CFAP92: variants seen among roughly 807,000 people sequenced by gnomAD.
CFAP92 encodes the protein cilia and flagella associated protein 92 (putative).
In CFAP92, 86 loss-of-function variants were observed where a neutral mutation model predicts 106.3. That is an observed-to-expected ratio of 0.81 (90% CI 0.68 to 0.97). The LOEUF (loss-of-function observed/expected upper bound fraction) is 0.97. Ranked by LOEUF, CFAP92 falls within the 50% of genes least tolerant of loss-of-function variation. The pLI is 0.00. For synonymous variants in CFAP92, 477 were observed against 506.4 expected (o/e 0.94, Z 0.78); for missense variants, 1,204 against 1,283.8 (o/e 0.94, Z 0.95).
intron 9 of CFAP92, among the ~76,000 whole-genome samples, chr3:128,964,430 A>T (rs959657104): frequency 5.3e-5 from 8 of 151,946 alleles, no homozygotes; most frequent in South Asian, 2.1e-4. Context: ...ACTCCTATTC[A>T]CCGTTCTCAA....
chr3:128,925,481 G>A (rs1937584588), intron 12 of CFAP92, among the ~76,000 whole-genome samples: 1 of 152,028 alleles, frequency 6.6e-6, no homozygotes, highest in South Asian at 2.1e-4. Context: ...AGATATATTG[G>A]TTGAAAATAA....
rs969368235 is a variant in CFAP92, at chr3:128,910,304, A to C, written c.3310T>G (p.Ser1104Ala). ...CGTGGGAGGGTCTGTGCTGCTCAGGAGATGGGGCTGTTCCCTTTCTTCTTC... is the reference window on the plus strand; with the variant it reads ...CGTGGGAGGGTCTGTGCTGCTCAGGCGATGGGGCTGTTCCCTTTCTTCTTC... The part of the protein sequence containing the change: ...VRKKKGNSPI[S>A] Residue 1104 changes from serine (S) to alanine (A), a missense_variant, in exon 16 of 16, where the codon TCC (serine) becomes GCC (alanine). Physicochemically the swap from Ser to Ala is moderately conservative, Grantham distance 99. Coordinates refer to ENST00000645291, the MANE Select transcript of CFAP92 (RefSeq NM_001394090.1). 5 of 1,496,218 alleles carry C rather than the reference A, an allele frequency of 3.3e-6. No homozygotes were observed. The highest frequency in any genetic ancestry group is 4.4e-6 in the Non-Finnish European group (5 of 1,124,568). 92.7% of individuals were successfully genotyped at this position (1,496,218 alleles called of 1,614,324 possible).
chr3:128,986,982 G>A (rs1456628987), intron 4 of CFAP92, among the ~76,000 whole-genome samples: 1 of 152,146 alleles, frequency 6.6e-6, no homozygotes, highest in Non-Finnish European at 1.5e-5. Flanking sequence ...CCAACATGGC[G>A]AAACCCCGTC....
At chr3:128,939,856 A>G (rs775450254) in intron 10 of CFAP92, among the ~76,000 whole-genome samples, 1 of 152,202 alleles carries the variant, frequency 6.6e-6, no homozygotes, top group South Asian at 2.1e-4. Flanking sequence ...TCCCGCTCCT[A>G]TGAGAATCTA....
chr3:128,976,999 C>G lies in CFAP92; in HGVS notation c.876G>C (p.Met292Ile), dbSNP rs761059935. The G allele has an allele frequency of 6.2e-7, 1 of 1,613,822 alleles. No homozygotes were observed. The highest frequency in any genetic ancestry group is 1.1e-5 in the South Asian group (1 of 91,082). Residue 292 changes from methionine to isoleucine, a missense_variant, in exon 6 of 16, where the codon ATG (methionine) becomes ATC (isoleucine). Met to Ile is a conservative substitution (Grantham distance 10). Coordinates refer to ENST00000645291, the MANE Select transcript of CFAP92 (RefSeq NM_001394090.1). ...NSEEYEKSLKMDDSSTIQWSV... is the reference protein window; with the variant it reads ...NSEEYEKSLKIDDSSTIQWSV... ...CTTACTGAATCGTGGAAGAATCGTC[C>G]ATTTTGAGGGACTTCTCATATTCCT... is the stretch of plus-strand genomic sequence containing the variant.
intron 9 of CFAP92, among the ~76,000 whole-genome samples, chr3:128,963,906 C>T (rs1464027312): frequency 6.6e-6 from 1 of 151,856 alleles, no homozygotes; most frequent in South Asian, 2.1e-4. Context: ...CCAGGACTGG[C>T]AAATTAGCTT....
intron 12 of CFAP92, among the ~76,000 whole-genome samples, chr3:128,924,683 G>C (rs1292848967): frequency 6.6e-6 from 1 of 151,948 alleles, no homozygotes; most frequent in Non-Finnish European, 1.5e-5. Context: ...CCAACCTCAG[G>C]TGATCTGCCT....
At chr3:128,933,358 C>T (rs1478595761) in intron 11 of CFAP92, among the ~76,000 whole-genome samples, 1 of 152,214 alleles carries the variant, frequency 6.6e-6, no homozygotes, top group Non-Finnish European at 1.5e-5. Context: ...AGGAGGACAT[C>T]ATACACCGAG....
intron 10 of CFAP92, among the ~76,000 whole-genome samples, chr3:128,942,143 A>G (rs2128490): frequency 0.58 from 88,318 of 152,124 alleles, 28,518 homozygotes; most frequent in African/African-American, 0.87. Context: ...TTGATAATGC[A>G]CTAGAAGGGC....
chr3:128,997,549 G>A (rs1166857459), upstream of CFAP92, among the ~76,000 whole-genome samples: 2 of 152,146 alleles, frequency 1.3e-5, no homozygotes, highest in Admixed American at 6.5e-5. Flanking sequence ...CCTATAAATT[G>A]AGTCAGACAC....
At chr3:128,990,185 T>C (rs538743749) in intron 2 of CFAP92, among the ~76,000 whole-genome samples, 35 of 152,226 alleles carry the variant, frequency 2.3e-4, no homozygotes, top group South Asian at 8.3e-4. Context: ...GTGTTTAAAA[T>C]GAAACAACAA....
intron 10 of CFAP92, among the ~76,000 whole-genome samples, chr3:128,937,301 A>G (rs553040177): frequency 7.2e-5 from 10 of 138,172 alleles, no homozygotes; most frequent in Non-Finnish European, 1.5e-4. Flanking sequence ...TGACAGAGAT[A>G]GACCCTGTCT....
At chr3:128,937,993 G>A (rs1939221278) in intron 10 of CFAP92, among the ~76,000 whole-genome samples, 1 of 152,044 alleles carries the variant, frequency 6.6e-6, no homozygotes, top group Non-Finnish European at 1.5e-5. Flanking sequence ...GAACCCAGGA[G>A]GCAGAGGTTG....
intron 9 of CFAP92, among the ~76,000 whole-genome samples, chr3:128,962,838 T>C (rs1942049788): frequency 6.6e-6 from 1 of 152,210 alleles, no homozygotes; most frequent in East Asian, 1.9e-4. Context: ...TAGTTCAGAA[T>C]CTGCGCCTTA....
Position 128,975,832 on chromosome 3 carries a change from T to C in CFAP92, c.968A>G (p.Glu323Gly). The change falls in exon 7 of 16, where the codon GAG becomes GGG. Residue 323 changes from glutamate to glycine, a missense_variant. Transcript: ENST00000645291. ...TGTTAAGCTGCTAAGTGATTCACTC[T>C]CAATTAATTCCTTGATCTCCATCAT... is the stretch of plus-strand genomic sequence containing the variant. ...ASMMEIKELIESESLSSLTNI... is the reference protein window; with the variant it reads ...ASMMEIKELIGSESLSSLTNI... 4 of 1,609,282 alleles carry C rather than the reference T, an allele frequency of 2.5e-6. No homozygotes were observed. Among genetic ancestry groups the C allele is most frequent in the Non-Finnish European group, 3.4e-6 (4 of 1,177,462 alleles).
chr3:128,950,920 G>A (rs974720864), intron 9 of CFAP92, among the ~76,000 whole-genome samples: 2 of 152,136 alleles, frequency 1.3e-5, no homozygotes, highest in Admixed American at 6.5e-5. Flanking sequence ...CGGGGAGTGC[G>A]GGGAACCCTC....
At chr3:128,976,844 C>T (rs1943188575) in intron 6 of CFAP92, 135 bp downstream of exon 6, 1 of 689,060 alleles carries the variant, frequency 1.5e-6, no homozygotes, top group Admixed American at 2.3e-5. Context: ...TACCCCTTCC[C>T]TGTTAGCTTA....
intron 12 of CFAP92, among the ~76,000 whole-genome samples, chr3:128,921,665 T>C (rs576946008): frequency 1.3e-5 from 2 of 152,140 alleles, no homozygotes; most frequent in Non-Finnish European, 2.9e-5. Context: ...AACAGAAAAG[T>C]CCCAGTGTAT....
upstream of CFAP92, among the ~76,000 whole-genome samples, chr3:129,005,417 G>T (rs886834589): frequency 1.3e-4 from 20 of 152,252 alleles, no homozygotes; most frequent in Admixed American, 2.0e-4. Context: ...TGGCTGGAGG[G>T]GTAGAGCTGA....
Sources: gnomAD v4.1 joint callset for allele counts (sites outside exome capture counted in the v4.1 genomes callset) on GRCh38, gnomAD v4.1.1 for gene constraint, MANE v1.5 for transcripts, NCBI Gene and HGNC (gene_info 2026-07-23, HGNC 2026-07-21) for gene names.